UBN1: variants seen among roughly 807,000 people sequenced by gnomAD.
The protein encoded by UBN1 is ubinuclein 1.
A neutral mutation model predicts 108.5 loss-of-function variants in UBN1; 17 were observed. The observed-to-expected ratio is 0.16, with a 90% CI of 0.11 to 0.24. The LOEUF (loss-of-function observed/expected upper bound fraction) is 0.24, where lower values mean the gene tolerates loss of function less well. Among genes scored for constraint, UBN1 ranks in the 10% least tolerant of loss-of-function variants. The pLI is 1.00. For synonymous variants in UBN1, 726 were observed against 564.2 expected (o/e 1.29, Z -4.07); for missense variants, 1,595 against 1,394.4 (o/e 1.14, Z -2.29).
At chr16:4,871,349 T>C in intron 12 of UBN1, 48 bp downstream of exon 12, 1 of 1,585,216 alleles carries the variant, frequency 6.3e-7, no homozygotes, top group Non-Finnish European at 8.6e-7. Flanking sequence ...AAGACACGTT[T>C]GAACGCTGCT....
intron 2 of UBN1, among the ~76,000 whole-genome samples, chr16:4,856,246 T>C (rs1481002236): frequency 6.6e-6 from 1 of 152,184 alleles, no homozygotes; most frequent in Admixed American, 6.5e-5. Context: ...CCCTTCACCA[T>C]TGCAGAAAAA....
chr16:4,878,220 C>T (rs749624836), intron 17 of UBN1, among the ~76,000 whole-genome samples: 3 of 152,148 alleles, frequency 2.0e-5, no homozygotes, highest in Non-Finnish European at 4.4e-5. Context: ...TTCTTGGGTA[C>T]GCCTCCTGGA....
intron 7 of UBN1, among the ~76,000 whole-genome samples, chr16:4,863,461 T>C (rs1025016987): frequency 6.6e-6 from 1 of 152,132 alleles, no homozygotes; most frequent in African/African-American, 2.4e-5. Context: ...AAAAGCCACA[T>C]GTGGATATTT....
chr16:4,855,314 T>TA (rs1201842527), intron 2 of UBN1, among the ~76,000 whole-genome samples: 3 of 152,008 alleles, frequency 2.0e-5, no homozygotes, highest in African/African-American at 7.2e-5. Context: ...TTCCTGAGAT[T>TA]AAAAAAATGT....
chr16:4,858,445 TGA>T (rs2086907442), intron 3 of UBN1, 121 bp from the exon 4 acceptor site: 2 of 818,176 alleles, frequency 2.4e-6, no homozygotes, highest in Admixed American at 2.2e-5. Context: ...TGTGTGTATG[TGA>T]GAGAGTGACT....
intron 12 of UBN1, chr16:4,872,430 A>G (rs1026197886): frequency 7.3e-5 from 49 of 671,016 alleles, no homozygotes; most frequent in Middle Eastern, 1.7e-3. Context: ...TGGCTCCCCA[A>G]TCCATTGACC....
chr16:4,870,283 T>G lies in UBN1; in HGVS notation c.1253T>G (p.Leu418Arg). 1 of 1,614,236 alleles carries G rather than the reference T, an allele frequency of 6.2e-7. No homozygotes were observed. Residue 418 changes from leucine (L) to arginine (R), a missense_variant, in exon 9 of 18, where the codon CTG (leucine) becomes CGG (arginine). Physicochemically the swap from Leu to Arg is moderately radical, Grantham distance 102. Coordinates refer to ENST00000262376, the MANE Select transcript of UBN1 (RefSeq NM_001079514.3). The part of the protein sequence containing the change: ...SGVYAYLASF[L>R]PCSKDALLKR... ...GTGTATGCCTATCTTGCGTCATTCCTGCCCTGCAGCAAGGATGCCCTGCTC... is the reference window on the plus strand; with the variant it reads ...GTGTATGCCTATCTTGCGTCATTCCGGCCCTGCAGCAAGGATGCCCTGCTC...
chr16:4,850,690 T>C (rs2086517416), intron 1 of UBN1, among the ~76,000 whole-genome samples: 2 of 152,244 alleles, frequency 1.3e-5, no homozygotes, highest in Non-Finnish European at 2.9e-5. Flanking sequence ...TTGTAGATAT[T>C]TTGTTCCCTT....
At chr16:4,869,457 A>G (rs1227681682) in intron 8 of UBN1, among the ~76,000 whole-genome samples, 4 of 152,238 alleles carry the variant, frequency 2.6e-5, no homozygotes, top group African/African-American at 7.2e-5. Context: ...CCAGACTGGG[A>G]AAAGTGAATC....
chr16:4,868,290 A>G (rs1035966701), intron 7 of UBN1, among the ~76,000 whole-genome samples: 3 of 152,188 alleles, frequency 2.0e-5, no homozygotes, highest in Non-Finnish European at 4.4e-5. Context: ...AATAGGTAAT[A>G]TGGTGGGTTA....
At position 4,859,887 on chromosome 16, in the gene UBN1, G is replaced by A. The variant is rs760949774; in HGVS notation, c.590G>A (p.Gly197Asp). 1.3e-5 allele frequency: 21 copies of A among 1,614,102 alleles called. No individual in the cohort carries two copies. In the South Asian group the frequency reaches 2.1e-4, roughly 16 times the overall value. Residue 197 changes from glycine to aspartate, a missense_variant, in exon 6 of 18, where the codon GGT becomes GAT. Physicochemically the swap from Gly to Asp is moderately conservative, Grantham distance 94 (BLOSUM62 -1). Coordinates refer to ENST00000262376, the MANE Select transcript of UBN1 (RefSeq NM_001079514.3). ...SPKKRKLKEG[G>D]EKIKKKKKDD... ...CAGAAGCGGAAGTTGAAGGAAGGTG[G>A]TGAGAAGATAAAGAAGAAGAAAAAA...
intron 17 of UBN1, among the ~76,000 whole-genome samples, chr16:4,879,069 T>C (rs1394077100): frequency 2.6e-4 from 39 of 152,172 alleles, no homozygotes; most frequent in Middle Eastern, 6.8e-3. Context: ...GCTATCAGAA[T>C]AGGAAGAATA....
At chr16:4,851,362 A>G (rs989266877) in intron 1 of UBN1, among the ~76,000 whole-genome samples, 137 of 152,194 alleles carry the variant, frequency 9.0e-4, no homozygotes, top group African/African-American at 3.2e-3. Context: ...AGGTAGGAGG[A>G]TCGCTTTAGC....
chr16:4,853,980 A>G (rs1049872393), intron 2 of UBN1, among the ~76,000 whole-genome samples: 1 of 151,902 alleles, frequency 6.6e-6, no homozygotes, highest in Admixed American at 6.6e-5. Flanking sequence ...CTACCTCAAT[A>G]CTTATGGGCA....
Position 4,863,199 on chromosome 16 carries a change from C to T in UBN1, c.1110+2097C>T, listed in dbSNP as rs79495820. ...TGAATAACTGTTTTCTGCCTTTTTACGTAATATTATAAAGCCCTCATGACT... is the reference window on the plus strand; with the variant it reads ...TGAATAACTGTTTTCTGCCTTTTTATGTAATATTATAAAGCCCTCATGACT... On this transcript the variant is annotated intron_variant, in intron 7 of 17. Transcript: ENST00000262376. 3.3e-3 allele frequency among the ~76,000 whole-genome samples: 505 copies of T among 152,178 alleles called. 1 individual carries two copies. The highest frequency in any genetic ancestry group is 4.2e-3 in the Non-Finnish European group (284 of 67,994).
Position 4,868,868 on chromosome 16 carries a change from G to C in UBN1, c.1146G>C (p.Lys382Asn). Residue 382 changes from lysine to asparagine, a missense_variant, in exon 8 of 18, where the codon AAG becomes AAC. Physicochemically the swap from Lys to Asn is moderately conservative, Grantham distance 94 (BLOSUM62 0). This residue lies in a region of UBN1 where 1,398 missense variants were observed against 1,194.7 expected (regional missense o/e 1.17). Transcript: ENST00000262376. ...CTGCTGAGGGGGAGAGCAGACAGAA[G>C]TTCTTCACCCAGGATATTAATGGAA... Reference protein sequence around the residue: ...ARAAEGESRQKFFTQDINGIL... With the variant: ...ARAAEGESRQNFFTQDINGIL... 6 of 1,613,958 alleles carry C rather than the reference G, an allele frequency of 3.7e-6. No homozygotes were observed. The South Asian group carries it at 6.6e-5, about 18-fold the overall frequency.
At chr16:4,864,195 T>C (rs1450470509) in intron 7 of UBN1, among the ~76,000 whole-genome samples, 3 of 151,580 alleles carry the variant, frequency 2.0e-5, no homozygotes, top group Non-Finnish European at 2.9e-5. Flanking sequence ...CAAGTGATTC[T>C]TGTGCCTCAG....
At chr16:4,852,407 T>C (rs1278094119) in intron 1 of UBN1, 1 of 154,902 alleles carries the variant, frequency 6.5e-6, no homozygotes, top group Non-Finnish European at 1.4e-5. Flanking sequence ...TCACTGGTTC[T>C]TTACTATCCT....
In UBN1 at chr16:4,868,821, G is replaced by T. The variant is rs370621728; in HGVS notation, c.1111-12G>T. The T allele has an allele frequency of 7.7e-5, 125 of 1,613,420 alleles. No homozygotes were observed. Among genetic ancestry groups the T allele is most frequent in the Non-Finnish European group, 1.0e-4 (120 of 1,179,698 alleles). ...AGTGCACTAACGGCTGTTACTGTCT[G>T]CTGTGCACCAGGCTGCCAGAGCTGC... On this transcript the variant is annotated splice_polypyrimidine_tract_variant and intron_variant, in intron 7 of 17. Transcript: ENST00000262376.
Sources: allele counts gnomAD v4.1 joint callset (sites outside exome capture counted in the v4.1 genomes callset), GRCh38; gene constraint gnomAD v4.1.1; regional missense constraint gnomAD v4.1.1; transcripts MANE v1.5; gene names NCBI Gene and HGNC (gene_info 2026-07-23, HGNC 2026-07-21).